LMNTD1: variants seen among roughly 807,000 people sequenced by gnomAD.
The protein encoded by LMNTD1 is lamin tail domain containing 1, also known as lamin tail domain-containing protein 1.
In LMNTD1, 35 loss-of-function variants were observed where a neutral mutation model predicts 50.9. That is an observed-to-expected ratio of 0.69 (90% CI 0.53 to 0.91). The LOEUF (loss-of-function observed/expected upper bound fraction) is 0.91, where lower values mean the gene tolerates loss of function less well. Among genes scored for constraint, LMNTD1 ranks in the 40% least tolerant of loss-of-function variants. The pLI is 0.00. For missense variants in LMNTD1, 470 were observed against 475.5 expected, an observed-to-expected ratio of 0.99 and a Z score of 0.11; for synonymous variants, 153 against 161.9, an observed-to-expected ratio of 0.94 and a Z score of 0.42.
At chr12:25,607,961 G>T (rs1946151773) in intron 1 of LMNTD1, among the ~76,000 whole-genome samples, 1 of 152,128 alleles carries the variant, frequency 6.6e-6, no homozygotes, top group South Asian at 2.1e-4. Context: ...ATTATTGTGT[G>T]GGAGTCTAAG....
At chr12:25,477,279 G>A (rs1294580292) in intron 9 of LMNTD1, among the ~76,000 whole-genome samples, 3 of 152,162 alleles carry the variant, frequency 2.0e-5, no homozygotes, top group Admixed American at 1.3e-4. Flanking sequence ...ACATACGAAG[G>A]AGCTGGGGAC....
intron 4 of LMNTD1, among the ~76,000 whole-genome samples, chr12:25,532,404 A>AT (rs955515750): frequency 6.6e-6 from 1 of 151,804 alleles, no homozygotes; most frequent in African/African-American, 2.4e-5. Context: ...GTGACCCTCC[A>AT]TTTTTTTTAT....
chr12:25,580,514 T>A (rs773204153), intron 1 of LMNTD1, among the ~76,000 whole-genome samples: 70 of 152,316 alleles, frequency 4.6e-4, no homozygotes, highest in South Asian at 2.3e-3. Flanking sequence ...TTCATCCTAT[T>A]TCCAGGGACT....
chr12:25,582,784 C>T (rs944984220), intron 1 of LMNTD1, among the ~76,000 whole-genome samples: 4 of 152,140 alleles, frequency 2.6e-5, no homozygotes, highest in South Asian at 2.1e-4. Flanking sequence ...ATGCTAACTA[C>T]GAAATGCACA....
chr12:25,526,279 T>C, intron 5 of LMNTD1, 61 bp from the exon 6 acceptor site: 1 of 1,506,230 alleles, frequency 6.6e-7, no homozygotes, highest in South Asian at 1.2e-5. Flanking sequence ...GTAAATGTCA[T>C]AGGGTTACTC....
At chr12:25,516,186 C>T (rs549131852) in intron 8 of LMNTD1, among the ~76,000 whole-genome samples, 27 of 152,016 alleles carry the variant, frequency 1.8e-4, no homozygotes, top group African/African-American at 6.5e-4. Context: ...AAGAAAAAAT[C>T]GTACAATTCT....
At chr12:25,555,816 C>G (rs1472665795), upstream of LMNTD1, among the ~76,000 whole-genome samples, 1 of 151,924 alleles carries the variant, frequency 6.6e-6, no homozygotes, top group Non-Finnish European at 1.5e-5. Flanking sequence ...TCTAAGTTCT[C>G]CATAGCAAAA....
At chr12:25,521,464 G>T (rs1012530822) in intron 6 of LMNTD1, among the ~76,000 whole-genome samples, 1 of 152,110 alleles carries the variant, frequency 6.6e-6, no homozygotes, top group South Asian at 2.1e-4. Flanking sequence ...CTGTGTGTGC[G>T]GCTTAGCGAA....
intron 1 of LMNTD1, among the ~76,000 whole-genome samples, chr12:25,563,742 G>T (rs955548905): frequency 6.6e-6 from 1 of 152,188 alleles, no homozygotes; most frequent in Non-Finnish European, 1.5e-5. Flanking sequence ...TGCCCCCAGG[G>T]GTGTACTCTA....
In LMNTD1 at chr12:25,518,908, T is replaced by C; in HGVS notation, c.1076A>G (p.Tyr359Cys). The C allele has an allele frequency of 6.2e-7, 1 of 1,613,998 alleles. No homozygotes were observed. Residue 359 changes from tyrosine (Y) to cysteine (C), a missense_variant, in exon 8 of 10, where the codon TAT (tyrosine) becomes TGT (cysteine). Physicochemically the swap from Tyr to Cys is radical, Grantham distance 194. Transcript: ENST00000458174. ...AGGACAGTAAGGATGTGCAGAGACATAGGGATTCTGGCACCAAGGGCTGCG... is the reference window on the plus strand; with the variant it reads ...AGGACAGTAAGGATGTGCAGAGACACAGGGATTCTGGCACCAAGGGCTGCG... ...PNRSPWCQNP[Y>C]VSAHPYCPLI...
intron 1 of LMNTD1, among the ~76,000 whole-genome samples, chr12:25,610,291 T>C (rs1235609137): frequency 6.6e-6 from 1 of 152,154 alleles, no homozygotes; most frequent in Non-Finnish European, 1.5e-5. Context: ...CCCTTGTGCT[T>C]CCTGGGTGAG....
intron 1 of LMNTD1, among the ~76,000 whole-genome samples, chr12:25,562,119 A>G (rs1046630173): frequency 4.6e-5 from 7 of 152,198 alleles, no homozygotes; most frequent in Admixed American, 3.9e-4. Flanking sequence ...TTTAATTGGA[A>G]CATTTAGCCC....
chr12:25,504,369 A>G (rs1440237885), intron 8 of LMNTD1, among the ~76,000 whole-genome samples: 3 of 152,182 alleles, frequency 2.0e-5, no homozygotes, highest in African/African-American at 7.2e-5. Flanking sequence ...ACTCTCATCT[A>G]CTTAAGCAGG....
chr12:25,505,588 A>G (rs1939699072), intron 8 of LMNTD1, among the ~76,000 whole-genome samples: 1 of 152,114 alleles, frequency 6.6e-6, no homozygotes, highest in Admixed American at 6.6e-5. Flanking sequence ...GGAAGAGAAA[A>G]ATTATTACTT....
At chr12:25,592,443 C>A (rs1565508280) in intron 1 of LMNTD1, 3 of 152,216 alleles carry the variant, frequency 2.0e-5, no homozygotes. Context: ...CCTGGAACAC[C>A]CCCACTAGGG....
intron 1 of LMNTD1, among the ~76,000 whole-genome samples, chr12:25,620,019 C>T (rs2136561753): frequency 6.6e-6 from 1 of 152,296 alleles, no homozygotes; most frequent in South Asian, 2.1e-4. Context: ...TTCAGATGCA[C>T]AATATATACA....
rs200155265 is a variant in LMNTD1, at chr12:25,564,144, G to GC, written c.59-17591_59-17590insG. Among the ~76,000 whole-genome samples, 1,090 of 152,274 alleles carry GC rather than the reference G, an allele frequency of 7.2e-3. 11 individuals are homozygous for GC. The highest frequency in any genetic ancestry group is 0.025 in the African/African-American group (1,052 of 41,550). On this transcript the variant is annotated intron_variant, in intron 1 of 7. Transcript: ENST00000445693. ...CCCTGCTCCATGGGCTGCACCCACT[G>GC]TCTGACAAGCCCCAGTGAGATGAAC...
chr12:25,527,663 TATATATATATATATATATAC>T (rs1309661015), intron 4 of LMNTD1, among the ~76,000 whole-genome samples: 9 of 27,510 alleles, frequency 3.3e-4, no homozygotes, highest in African/African-American at 7.9e-4. Context: ...TATATATATA[TATATATATATATATATATAC>T]ACACACACAC....
intron 1 of LMNTD1, among the ~76,000 whole-genome samples, chr12:25,573,487 G>A (rs184463038): frequency 4.2e-4 from 64 of 152,254 alleles, no homozygotes; most frequent in Non-Finnish European, 6.2e-4. Context: ...TAAAGTCTGA[G>A]CACTCTAAAA....
Sources: allele counts gnomAD v4.1 joint callset (sites outside exome capture counted in the v4.1 genomes callset), GRCh38; gene constraint gnomAD v4.1.1; transcripts MANE v1.5; gene names NCBI Gene and HGNC (gene_info 2026-07-23, HGNC 2026-07-21).